The following TNRC18 variants were observed in gnomAD, a reference collection of about 807,000 sequenced individuals.
TNRC18 encodes the protein trinucleotide repeat containing 18, also known as trinucleotide repeat-containing gene 18 protein.
Under a neutral mutation model 226.7 loss-of-function variants are expected in TNRC18, and 69 were observed. That is an observed-to-expected ratio of 0.30 (90% confidence interval 0.25 to 0.37). The LOEUF is 0.37. Ranked by LOEUF, TNRC18 falls within the 10% of genes least tolerant of loss-of-function variation. The pLI is 1.00. For synonymous variants in TNRC18, 2,449 were observed against 1,927.6 expected (o/e 1.27, Z -7.09); for missense variants, 4,754 against 4,256.6 (o/e 1.12, Z -3.25).
chr7:5,329,578 G>A (rs1583792998), intron 19 of TNRC18, among the ~76,000 whole-genome samples: 1 of 151,100 alleles, frequency 6.6e-6, no homozygotes, highest in Non-Finnish European at 1.5e-5. Context: ...AGCTACTTGG[G>A]AGGCTGAGGC....
At position 5,374,423 on chromosome 7, in the gene TNRC18, C is replaced by A; in HGVS notation, c.2861G>T (p.Gly954Val). The change falls in exon 10 of 30, where the codon GGC becomes GTC. Residue 954 changes from glycine (G) to valine (V), a missense_variant. Coordinates refer to ENST00000430969, the MANE Select transcript of TNRC18 (RefSeq NM_001080495.3). The part of the protein sequence containing the change: ...AEMEEKGSKR[G>V]LEAAGKAGLA... ...GCCAGCCTTGCCCGCAGCCTCCAGG[C>A]CCCGCTTGCTCCCCTTCTCTTCCAT... The A allele has an allele frequency of 6.5e-7, 1 of 1,543,314 alleles. No homozygotes were observed. Among genetic ancestry groups the A allele is most frequent in the Non-Finnish European group, 8.7e-7 (1 of 1,144,144 alleles).
chr7:5,325,326 T>TCACC, intron 19 of TNRC18, 78 bp from the exon 20 acceptor site: 1 of 1,494,704 alleles, frequency 6.7e-7, no homozygotes, highest in East Asian at 2.5e-5. Context: ...CCTCACTCAC[T>TCACC]CACCCCCAAG....
At chr7:5,319,165 G>A (rs1449218853) in intron 24 of TNRC18, among the ~76,000 whole-genome samples, 1 of 152,096 alleles carries the variant, frequency 6.6e-6, no homozygotes. Context: ...TTCAGAATTT[G>A]GATGATAAAT....
At chr7:5,406,916 A>G (rs906945840) in intron 2 of TNRC18, among the ~76,000 whole-genome samples, 27 of 152,180 alleles carry the variant, frequency 1.8e-4, no homozygotes, top group African/African-American at 6.5e-4. Flanking sequence ...GTGAAAAAGG[A>G]AAACAGACAA....
At chr7:5,330,419 T>G (rs1176640025) in intron 19 of TNRC18, among the ~76,000 whole-genome samples, 4 of 151,686 alleles carry the variant, frequency 2.6e-5, no homozygotes, top group African/African-American at 7.3e-5. Context: ...TGTTGTTTTT[T>G]TTTTTTGGTA....
chr7:5,314,121 G>A (rs1787597103), intron 26 of TNRC18, among the ~76,000 whole-genome samples: 1 of 151,548 alleles, frequency 6.6e-6, no homozygotes. Context: ...CACTATGCCT[G>A]GGGAATTTTT....
In TNRC18 at chr7:5,332,911, G is replaced by A; in HGVS notation, c.5858C>T (p.Pro1953Leu). 6.5e-7 allele frequency: 1 copy of A among 1,538,984 alleles called. No homozygotes were observed. The highest frequency in any genetic ancestry group is 8.7e-7 in the Non-Finnish European group (1 of 1,149,796). The change falls in exon 19 of 30, where the codon CCC (proline) becomes CTC (leucine). Residue 1953 changes from proline to leucine, a missense_variant. By Grantham distance (98) the Pro-to-Leu change is moderately conservative. Coordinates refer to ENST00000430969, the MANE Select transcript of TNRC18 (RefSeq NM_001080495.3). ...LAAPTPGARG[P>L]DPSSPDKAKL... ...GGCCTTGTCTGGGCTGCTGGGGTCG[G>A]GACCGCGGGCGCCAGGCGTGGGTGC...
rs776536786 is a variant in TNRC18 at position 5,315,091 on chromosome 7, G to A, written c.6920C>T (p.Thr2307Ile). ...TTTGCCCTCCCCAGTGTCTTTGCTGGTCTTCCGGCTGCGGCGCTTGGCACT... is the reference window on the plus strand; with the variant it reads ...TTTGCCCTCCCCAGTGTCTTTGCTGATCTTCCGGCTGCGGCGCTTGGCACT... ...VPSAKRRSRK[T>I]SKDTGEGKDG... Residue 2307 changes from threonine (T) to isoleucine (I), a missense_variant, in exon 26 of 30, where the codon ACC becomes ATC. Transcript: ENST00000430969. 1 of 1,612,946 alleles carries A rather than the reference G, an allele frequency of 6.2e-7. No homozygotes were observed. Among genetic ancestry groups the A allele is most frequent in the Non-Finnish European group, 8.5e-7 (1 of 1,179,654 alleles).
At chr7:5,366,011 C>T (rs1235560032) in intron 11 of TNRC18, among the ~76,000 whole-genome samples, 9 of 152,154 alleles carry the variant, frequency 5.9e-5, no homozygotes, top group African/African-American at 1.9e-4. Flanking sequence ...GCGGAGACTG[C>T]GGTGAGCCGA....
chr7:5,387,266 C>G (rs756805356), intron 5 of TNRC18, among the ~76,000 whole-genome samples: 1 of 152,178 alleles, frequency 6.6e-6, no homozygotes, highest in East Asian at 1.9e-4. Flanking sequence ...CAAACACCTA[C>G]TACGTGCCAG....
Position 5,357,135 on chromosome 7 carries a change from T to G in TNRC18, c.4975A>C (p.Ser1659Arg), listed in dbSNP as rs919839548. 1 of 1,564,310 alleles carries G rather than the reference T, an allele frequency of 6.4e-7. No individual in the cohort carries two copies. Among genetic ancestry groups the G allele is most frequent in the Non-Finnish European group, 8.7e-7 (1 of 1,153,556 alleles). ...GTCAAGTACCTGCCGCAGCCCCCGC[T>G]AGTTTTCGATTTCCCCCCAGCACTG... ...SDSAGGKSKT[S>R]GGCGRYLTPY... Residue 1659 changes from serine (S) to arginine (R), a missense_variant, in exon 16 of 30, where the codon AGC becomes CGC. By Grantham distance (110) the Ser-to-Arg change is moderately radical. Coordinates refer to ENST00000430969, the MANE Select transcript of TNRC18 (RefSeq NM_001080495.3).
intron 2 of TNRC18, among the ~76,000 whole-genome samples, chr7:5,406,675 A>AC (rs1781486863): frequency 6.6e-6 from 1 of 152,006 alleles, no homozygotes; most frequent in South Asian, 2.1e-4. Flanking sequence ...ACAGGGTGAA[A>AC]CCCCGTCTCT....
chr7:5,332,670 G>T lies in TNRC18; in HGVS notation c.6099C>A (p.Ser2033Arg). ...TTGCACGCCCGGCGTCCTTGCGCGG[G>T]CTCAGGGGGCCGCCCTTGGCGCAGC... ...TSRCAKGGPL[S>R]PRKDAGRAKD... Residue 2033 changes from serine (S) to arginine (R), a missense_variant, in exon 19 of 30, where the codon AGC becomes AGA. Transcript: ENST00000430969. 6.5e-7 allele frequency: 1 copy of T among 1,530,460 alleles called. No individual in the cohort carries two copies. The highest frequency in any genetic ancestry group is 8.8e-7 in the Non-Finnish European group (1 of 1,141,434). The allele number at this position is 1,530,460 out of a possible 1,614,324, so 94.8% of individuals were successfully genotyped here. A position where few individuals can be genotyped will look rare whatever the true frequency, so the allele number is the denominator to read the frequency against.
At chr7:5,392,306 A>G (rs565435474) in intron 3 of TNRC18, among the ~76,000 whole-genome samples, 1 of 152,272 alleles carries the variant, frequency 6.6e-6, no homozygotes, top group Non-Finnish European at 1.5e-5. Context: ...TACTAAAAAT[A>G]CAAAAAATTA....
chr7:5,345,073 C>T (rs780172886), intron 18 of TNRC18, among the ~76,000 whole-genome samples: 2 of 152,204 alleles, frequency 1.3e-5, no homozygotes, highest in Non-Finnish European at 2.9e-5. Flanking sequence ...CACCCGTTCT[C>T]CCATGGCACA....
rs1791130620 is a variant in TNRC18 at position 5,345,821 on chromosome 7, G to A, written c.5471-11C>T. The A allele has an allele frequency of 3.3e-6, 5 of 1,538,386 alleles. No individual in the cohort carries two copies. In the African/African-American group the frequency reaches 6.8e-5, roughly 21 times the overall value. ...CCTCCGAGCTCTCATCTGGCGTGCA[G>A]AAAACAGGGACCGAGTCAGAGCCTT... is the stretch of plus-strand genomic sequence containing the variant. On this transcript the variant is annotated splice_polypyrimidine_tract_variant and intron_variant, in intron 17 of 29. Transcript: ENST00000430969.
At chr7:5,345,904 A>G in intron 17 of TNRC18, 94 bp from the exon 18 acceptor site, 2 of 1,458,034 alleles carry the variant, frequency 1.4e-6, no homozygotes, top group Non-Finnish European at 1.8e-6. Flanking sequence ...TCTGGGCTCC[A>G]GCCTAGTCCC....
intron 11 of TNRC18, among the ~76,000 whole-genome samples, chr7:5,367,881 C>T (rs545157463): frequency 6.6e-6 from 1 of 152,218 alleles, no homozygotes; most frequent in East Asian, 1.9e-4. Context: ...AGCGTGGCTT[C>T]TCCAGGCTTC....
Position 5,320,386 on chromosome 7 carries a change from T to C in TNRC18, c.6677A>G (p.Gln2226Arg). The C allele has an allele frequency of 6.4e-7, 1 of 1,562,394 alleles. No individual in the cohort carries two copies. The highest frequency in any genetic ancestry group is 8.7e-7 in the Non-Finnish European group (1 of 1,153,184). Residue 2226 changes from glutamine to arginine, a missense_variant, in exon 24 of 30, where the codon CAA becomes CGA. Transcript: ENST00000430969. ...CCAGTAGGCTGCAATCCTGGTCCCT[T>C]GTGGCAAGAAGCGAGTGGAGGCTGG... is the stretch of plus-strand genomic sequence containing the variant. Reference protein sequence around the residue: ...VRPASTRFLPQGTRIAAYWSQ... With the variant: ...VRPASTRFLPRGTRIAAYWSQ...
Sources: gnomAD v4.1 joint callset for allele counts (sites outside exome capture counted in the v4.1 genomes callset) on GRCh38, gnomAD v4.1.1 for gene constraint, MANE v1.5 for transcripts, NCBI Gene and HGNC (gene_info 2026-07-23, HGNC 2026-07-21) for gene names.